The following SCML2 variants were observed in gnomAD, a reference collection of about 807,000 sequenced individuals.
The protein encoded by SCML2 is Scm polycomb group protein like 2, also known as sex comb on midleg-like protein 2.
SCML2 carries 6 observed loss-of-function variants against 48.4 expected under a neutral mutation model. The observed-to-expected ratio is 0.12, with a 90% CI of 0.07 to 0.24. SCML2 has a LOEUF of 0.24. Among genes scored for constraint, SCML2 ranks in the 10% least tolerant of loss-of-function variants. SCML2 has a pLI of 1.00. For missense variants in SCML2, 377 were observed against 528.2 expected, an observed-to-expected ratio of 0.71 and a Z score of 2.81; for synonymous variants, 181 against 189.5, an observed-to-expected ratio of 0.95 and a Z score of 0.37.
intron 1 of SCML2, 39 bp from the exon 2 acceptor site, chrX:18,334,134 T>A: frequency 2.0e-6 from 2 of 977,286 alleles, no homozygotes; most frequent in Admixed American, 5.2e-5. Context: ...CCTTTTAGCA[T>A]ATTAGATTTC....
intron 1 of SCML2, among the ~76,000 whole-genome samples, chrX:18,348,088 C>T (rs1930260464): frequency 8.9e-6 from 1 of 111,921 alleles, no homozygotes; most frequent in Admixed American, 9.6e-5. Flanking sequence ...AACAGATAAA[C>T]GAAAGATAAG....
At chrX:18,271,968 G>C (rs1256218264) in intron 7 of SCML2, among the ~76,000 whole-genome samples, 2 of 110,399 alleles carry the variant, frequency 1.8e-5, no homozygotes, top group East Asian at 5.7e-4. Context: ...GCAGCAATAA[G>C]AGCAAAGGGG....
At chrX:18,325,281 A>G (rs1407613748) in intron 3 of SCML2, among the ~76,000 whole-genome samples, 4 of 112,027 alleles carry the variant, frequency 3.6e-5, no homozygotes, top group Non-Finnish European at 7.5e-5. Context: ...TAACTAAAGA[A>G]ATTGTTTTAG....
chrX:18,347,391 G>A (rs1393993899), intron 1 of SCML2, among the ~76,000 whole-genome samples: 1 of 108,317 alleles, frequency 9.2e-6, no homozygotes, highest in Non-Finnish European at 1.9e-5. Context: ...GTTGCAGTGA[G>A]CCAAGATAGT....
In SCML2 at chrX:18,241,151, G is replaced by T; in HGVS notation, c.*100C>A. On this transcript the variant is annotated 3_prime_UTR_variant, in exon 15 of 15. Coordinates refer to ENST00000251900, the MANE Select transcript of SCML2 (RefSeq NM_006089.3). ...CAATTCTGATAAAATATTTTTATGGGAACTGTCTACAAAACAAAAACTGCT... is the reference window on the plus strand; with the variant it reads ...CAATTCTGATAAAATATTTTTATGGTAACTGTCTACAAAACAAAAACTGCT... 1.4e-6 allele frequency: 1 copy of T among 716,387 alleles called. No individual in the cohort carries two copies. The highest frequency in any genetic ancestry group is 1.9e-6 in the Non-Finnish European group (1 of 521,119). The allele number at this position is 716,387 out of a possible 1,213,427, so 59.0% of individuals were successfully genotyped here.
At chrX:18,353,242 T>C (rs960304934) in intron 1 of SCML2, among the ~76,000 whole-genome samples, 1 of 112,185 alleles carries the variant, frequency 8.9e-6, no homozygotes, top group African/African-American at 3.2e-5. Context: ...ATCGTCATTA[T>C]TGAAAAACAT....
intron 7 of SCML2, among the ~76,000 whole-genome samples, chrX:18,286,526 C>G (rs893869629): frequency 9.0e-6 from 1 of 111,310 alleles, no homozygotes; most frequent in African/African-American, 3.3e-5. Flanking sequence ...AAGAAACTGA[C>G]TCAGCAGAAC....
chrX:18,299,540 G>C (rs1174831688), intron 7 of SCML2, among the ~76,000 whole-genome samples: 2 of 109,574 alleles, frequency 1.8e-5, no homozygotes, highest in African/African-American at 6.7e-5. Flanking sequence ...AGTGGACAAA[G>C]GATCTGAATA....
At chrX:18,281,984 G>A (rs1298008459) in intron 7 of SCML2, among the ~76,000 whole-genome samples, 3 of 109,669 alleles carry the variant, frequency 2.7e-5, no homozygotes, top group Non-Finnish European at 3.8e-5. Context: ...TTAGCTGGGC[G>A]TGGTGGCGTG....
chrX:18,266,914 A>C (rs1927275105), intron 7 of SCML2, among the ~76,000 whole-genome samples: 1 of 112,278 alleles, frequency 8.9e-6, no homozygotes, highest in South Asian at 3.7e-4. Flanking sequence ...CTCATTTACA[A>C]GTAGTTTGCC....
At chrX:18,264,452 T>C (rs1927187641) in intron 8 of SCML2, among the ~76,000 whole-genome samples, 1 of 104,098 alleles carries the variant, frequency 9.6e-6, no homozygotes, top group Non-Finnish European at 2.0e-5. Context: ...TGTGTGTGTG[T>C]GTGTGTGTGT....
intron 6 of SCML2, among the ~76,000 whole-genome samples, chrX:18,315,892 CTATT>C (rs1299922811): frequency 9.1e-6 from 1 of 109,553 alleles, no homozygotes; most frequent in Admixed American, 9.7e-5. Context: ...CCCAAATAGA[CTATT>C]TTTTTTTTTT....
At chrX:18,289,965 T>A (rs1028515477) in intron 7 of SCML2, among the ~76,000 whole-genome samples, 2 of 110,545 alleles carry the variant, frequency 1.8e-5, no homozygotes, top group Non-Finnish European at 3.8e-5. Flanking sequence ...AGGAAAACAT[T>A]AGAGTTTTTC....
rs781591175 is a variant in SCML2, at chrX:18,250,102, T to C, written c.1457-2220A>G. On this transcript the variant is annotated intron_variant, in intron 11 of 14. Coordinates refer to ENST00000251900, the MANE Select transcript of SCML2 (RefSeq NM_006089.3). ...ATTATATGATTTTTAAATGTCCAGTTTTCAACAAAAAAAAAATGAGACATG... is the reference window on the plus strand; with the variant it reads ...ATTATATGATTTTTAAATGTCCAGTCTTCAACAAAAAAAAAATGAGACATG... 4.5e-4 allele frequency among the ~76,000 whole-genome samples: 45 copies of C among 99,507 alleles called. 4 individuals carry two copies. The highest frequency in any genetic ancestry group is 3.4e-3 in the Admixed American group (33 of 9,569). The allele number at this position is 99,507 out of a possible 115,157, so 86.4% of individuals were successfully genotyped here. A position where few individuals can be genotyped will look rare whatever the true frequency, so the allele number is the denominator to read the frequency against.
chrX:18,327,267 G>A (rs976202974), intron 3 of SCML2, among the ~76,000 whole-genome samples: 1 of 110,596 alleles, frequency 9.0e-6, no homozygotes, highest in African/African-American at 3.3e-5. Context: ...GGGAGGCTGA[G>A]GCAGGAGAAT....
At chrX:18,291,917 T>C (rs1471562635) in intron 7 of SCML2, among the ~76,000 whole-genome samples, 2 of 111,679 alleles carry the variant, frequency 1.8e-5, no homozygotes, top group Non-Finnish European at 3.8e-5. Context: ...AAAAAAACTT[T>C]AACATTAAAA....
intron 3 of SCML2, among the ~76,000 whole-genome samples, chrX:18,328,919 A>G (rs1013921337): frequency 8.9e-6 from 1 of 111,736 alleles, no homozygotes; most frequent in African/African-American, 3.3e-5. Flanking sequence ...TAAGTAATCT[A>G]TTTTTTTAAT....
At chrX:18,308,605 G>C (rs1928843766) in intron 6 of SCML2, among the ~76,000 whole-genome samples, 1 of 111,067 alleles carries the variant, frequency 9.0e-6, no homozygotes, top group Admixed American at 9.6e-5. Flanking sequence ...ACCCCGGTTA[G>C]AATGACTATT....
At chrX:18,245,886 T>C (rs769839379) in intron 13 of SCML2, among the ~76,000 whole-genome samples, 19 of 111,830 alleles carry the variant, frequency 1.7e-4, no homozygotes, top group African/African-American at 6.2e-4. Flanking sequence ...ATTACAGGCA[T>C]GCATCACCAT....
Sources: allele counts gnomAD v4.1 joint callset (sites outside exome capture counted in the v4.1 genomes callset), GRCh38; gene constraint gnomAD v4.1.1; transcripts MANE v1.5; gene names NCBI Gene and HGNC (gene_info 2026-07-23, HGNC 2026-07-21).